TPRN: variants seen among roughly 807,000 people sequenced by gnomAD.
TPRN encodes the protein taperin, also known as chromosome 9 open reading frame 75.
Under a neutral mutation model 42.6 loss-of-function variants are expected in TPRN, and 32 were observed. The ratio of observed to expected loss-of-function variants is 0.75; its 90% CI spans 0.57 to 1.01. The LOEUF (loss-of-function observed/expected upper bound fraction) is 1.01, where lower values mean the gene tolerates loss of function less well. Among genes scored for constraint, TPRN ranks in the 50% least tolerant of loss-of-function variants. The pLI is 0.00. For synonymous variants in TPRN, 541 were observed against 445.6 expected, an observed-to-expected ratio of 1.21 and a Z score of -2.70; for missense variants, 1,095 against 957.5, an observed-to-expected ratio of 1.14 and a Z score of -1.90.
Position 137,192,013 on chromosome 9 carries a change from G to A in TPRN, c.*99C>T. On this transcript the variant is annotated 3_prime_UTR_variant, in exon 4 of 4. Transcript: ENST00000409012. ...AGGAGGGGTGGGTGGGATACAGTGA[G>A]GCCAAACAAGGCAGAAGCGGGTGCA... 3 of 1,463,696 alleles carry A rather than the reference G, an allele frequency of 2.0e-6. No individual in the cohort carries two copies. Among genetic ancestry groups the A allele is most frequent in the Non-Finnish European group, 2.8e-6 (3 of 1,068,780 alleles). 90.7% of individuals were successfully genotyped at this position (1,463,696 alleles called of 1,614,324 possible).
chr9:137,200,717 G>C lies in TPRN; in HGVS notation c.-6C>G. ...GGCCGCCCCAGGGCGGCCATGCTGCGAACGCGGCAGCGGACGGCTGGACTG... is the reference window on the plus strand; with the variant it reads ...GGCCGCCCCAGGGCGGCCATGCTGCCAACGCGGCAGCGGACGGCTGGACTG... On this transcript the variant is annotated 5_prime_UTR_variant, in exon 1 of 4. Coordinates refer to ENST00000409012, the MANE Select transcript of TPRN (RefSeq NM_001128228.3). This position sits in a 1 kb window ranked among gnomAD's most constrained non-coding sequence, Gnocchi z 4.3. 2 of 1,154,512 alleles carry C rather than the reference G, an allele frequency of 1.7e-6. No individual in the cohort carries two copies. The highest frequency in any genetic ancestry group is 2.1e-6 in the Non-Finnish European group (2 of 937,490). The allele number at this position is 1,154,512 out of a possible 1,614,324, so 71.5% of individuals were successfully genotyped here.
At chr9:137,193,462 G>C (rs975244632) in intron 1 of TPRN, 1 of 152,710 alleles carries the variant, frequency 6.5e-6, no homozygotes, top group Non-Finnish European at 1.5e-5. Flanking sequence ...TTTCACATCT[G>C]AGCAAATTCT....
At chr9:137,193,791 G>A (rs1208084829) in intron 1 of TPRN, 1 of 152,408 alleles carries the variant, frequency 6.6e-6, no homozygotes, top group Non-Finnish European at 1.5e-5. Flanking sequence ...GGAGGCAGGA[G>A]CCGGGCCCCA....
chr9:137,194,491 G>T (rs1834677463), intron 1 of TPRN: 1 of 152,320 alleles, frequency 6.6e-6, no homozygotes, highest in South Asian at 2.1e-4. Flanking sequence ...TGACCCCGAA[G>T]CCCTCCAGGC....
chr9:137,193,587 G>C (rs914832864), intron 1 of TPRN: 2 of 152,448 alleles, frequency 1.3e-5, no homozygotes, highest in East Asian at 3.9e-4. Flanking sequence ...GGCTTGCATG[G>C]GGCTAAGCTC....
chr9:137,197,236 T>A (rs1834719615), intron 1 of TPRN, among the ~76,000 whole-genome samples: 1 of 152,146 alleles, frequency 6.6e-6, no homozygotes, highest in Non-Finnish European at 1.5e-5. Context: ...ATAGCTGGGA[T>A]TATAGGCGCC....
At chr9:137,196,268 C>G (rs1834702693) in intron 1 of TPRN, among the ~76,000 whole-genome samples, 1 of 152,250 alleles carries the variant, frequency 6.6e-6, no homozygotes, top group Non-Finnish European at 1.5e-5. Flanking sequence ...CACCCCCACG[C>G]CCGGGGGTCA....
At chr9:137,197,221 C>A (rs1834719438) in intron 1 of TPRN, among the ~76,000 whole-genome samples, 2 of 152,232 alleles carry the variant, frequency 1.3e-5, no homozygotes, top group Non-Finnish European at 2.9e-5. Flanking sequence ...GCCTCAGTCT[C>A]CTGAATAGCT....
Position 137,191,622 on chromosome 9 carries a change from T to C in TPRN, c.*490A>G, listed in dbSNP as rs966938635. On this transcript the variant is annotated 3_prime_UTR_variant, in exon 4 of 4. Coordinates refer to ENST00000409012, the MANE Select transcript of TPRN (RefSeq NM_001128228.3). ...CACGCAGTGGGGACACCAGCAGCCT[T>C]GTCCAGTGCTGTTTATTGAGTCCAT... 2.2e-5 allele frequency: 6 copies of C among 276,378 alleles called. No homozygotes were observed. The highest frequency in any genetic ancestry group is 4.4e-5 in the African/African-American group (2 of 45,922). 17.1% of individuals were successfully genotyped at this position (276,378 alleles called of 1,614,324 possible). A position where few individuals can be genotyped will look rare whatever the true frequency, so the allele number is the denominator to read the frequency against.
In TPRN at chr9:137,199,134, T is replaced by G; in HGVS notation, c.1578A>C (p.Pro526=). The G allele has an allele frequency of 6.2e-7, 1 of 1,613,232 alleles. No homozygotes were observed. The highest frequency in any genetic ancestry group is 8.5e-7 in the Non-Finnish European group (1 of 1,179,996). Residue 526 remains proline, a synonymous_variant, in exon 1 of 4, where the codon CCA becomes CCC. Transcript: ENST00000409012. ...HFSQANREPR[P]REAEEEEASC... ...TAGCCTCCTCCTCCTCGGCCTCCCG[T>G]GGCCGAGGCTCCCTGTTGGCCTGAC...
At position 137,200,219 on chromosome 9, in the gene TPRN, CGGGCGGCGGCGGCGGCGGCGG is replaced by C; in HGVS notation, c.472_492del (p.Pro158_Pro164del). The C allele has an allele frequency of 1.0e-6, 1 of 957,552 alleles. No individual in the cohort carries two copies. The highest frequency in any genetic ancestry group is 1.2e-6 in the Non-Finnish European group (1 of 810,308). The allele number at this position is 957,552 out of a possible 1,614,324, so 59.3% of individuals were successfully genotyped here. Reference sequence around the variant, plus strand: ...GCCGCGGGCGGGGGCCGGGGCGGCGCGGGCGGCGGCGGCGGCGGCGGGGGGCGGGCGCGCTCGGGGCTCCCG... The same window carrying C: ...GCCGCGGGCGGGGGCCGGGGCGGCGCGGGGCGGGCGCGCTCGGGGCTCCCG... On this transcript the variant is annotated inframe_deletion, in exon 1 of 4. Coordinates refer to ENST00000409012, the MANE Select transcript of TPRN (RefSeq NM_001128228.3). This position sits in a 1 kb window ranked among gnomAD's most constrained non-coding sequence, Gnocchi z 4.3.
rs2131355031 is a variant in TPRN, at chr9:137,200,163, G to A, written c.549C>T (p.Arg183=). 8.4e-7 allele frequency: 1 copy of A among 1,183,794 alleles called. No homozygotes were observed. 73.3% of individuals were successfully genotyped at this position (1,183,794 alleles called of 1,614,324 possible). The change falls in exon 1 of 4, where the codon CGC becomes CGT. Residue 183 remains arginine, a synonymous_variant. Coordinates refer to ENST00000409012, the MANE Select transcript of TPRN (RefSeq NM_001128228.3). The surrounding 1 kb of genome is among the most constrained non-coding windows in gnomAD (Gnocchi z 4.3). ...APSPPAAPGP[R]GGGASPGARR... ...GGGCCCCGGGGCTCGCCCCGCCACC[G>A]CGGGGCCCGGGCGCGGCGGGCGGGC... is the stretch of plus-strand genomic sequence containing the variant.
At chr9:137,197,323 G>C (rs1204794733) in intron 1 of TPRN, among the ~76,000 whole-genome samples, 1 of 152,084 alleles carries the variant, frequency 6.6e-6, no homozygotes, top group Non-Finnish European at 1.5e-5. Context: ...GGCTTGTCTT[G>C]AACTCCTGAC....
chr9:137,193,402 T>G (rs1834657400), intron 1 of TPRN: 1 of 152,750 alleles, frequency 6.5e-6, no homozygotes, highest in Non-Finnish European at 1.5e-5. Flanking sequence ...TTCCTCACCC[T>G]GCTGCCCCTC....
intron 2 of TPRN, 36 bp downstream of exon 2, chr9:137,192,415 C>T (rs1194328648): frequency 1.9e-6 from 3 of 1,610,970 alleles, no homozygotes; most frequent in East Asian, 2.2e-5. Context: ...AGGCTCCACC[C>T]CTCCCAGGCT....
In TPRN at chr9:137,200,010, A is replaced by T. The variant is rs1834777477; in HGVS notation, c.702T>A (p.Pro234=). The change falls in exon 1 of 4, where the codon CCT becomes CCA. Residue 234 remains proline (P), a synonymous_variant. Coordinates refer to ENST00000409012, the MANE Select transcript of TPRN (RefSeq NM_001128228.3). The surrounding 1 kb of genome is among the most constrained non-coding windows in gnomAD (Gnocchi z 4.3). ...GHSAPEPRAG[P]ANRLAGSPPG... ...GCGGGGAGCCCGCGAGGCGGTTGGC[A>T]GGGCCGGCCCGGGGCTCAGGGGCCG... is the stretch of plus-strand genomic sequence containing the variant. 6.9e-7 allele frequency: 1 copy of T among 1,444,206 alleles called. No individual in the cohort carries two copies. The highest frequency in any genetic ancestry group is 1.4e-5 in the African/African-American group (1 of 69,762). The allele number at this position is 1,444,206 out of a possible 1,614,324, so 89.5% of individuals were successfully genotyped here.
In TPRN at chr9:137,199,881, G is replaced by A. The variant is rs1201846074; in HGVS notation, c.831C>T (p.Ala277=). 1.9e-6 allele frequency: 3 copies of A among 1,544,160 alleles called. No individual in the cohort carries two copies. The East Asian group carries it at 7.3e-5, about 38-fold the overall frequency. The change falls in exon 1 of 4, where the codon GCC becomes GCT. Residue 277 remains alanine (A), a synonymous_variant. Coordinates refer to ENST00000409012, the MANE Select transcript of TPRN (RefSeq NM_001128228.3). The stretch of plus-strand genomic sequence containing the variant: ...ACTGGCGCTGGCTAGGAGTGGCACT[G>A]GCAGGGGGTGAGGCTGGAGTGGCAC... ...TPSATPASPP[A]SATPSQRQCV...
At chr9:137,192,977 C>T in intron 1 of TPRN, 5 of 495,576 alleles carry the variant, frequency 1.0e-5, no homozygotes, top group South Asian at 6.9e-5. Flanking sequence ...GCCTCTAGAC[C>T]AGCTCCTGGA....
At chr9:137,198,809 G>T (rs891757748) in intron 1 of TPRN, among the ~76,000 whole-genome samples, 178 bp downstream of exon 1, 4 of 152,252 alleles carry the variant, frequency 2.6e-5, no homozygotes, top group South Asian at 2.1e-4. Context: ...AAGTCAGGGG[G>T]CTCCACTGGG....
Sources: gnomAD v4.1 joint callset for allele counts (sites outside exome capture counted in the v4.1 genomes callset) on GRCh38, gnomAD v4.1.1 for gene constraint, Gnocchi (gnomAD v3.1) non-coding constraint, MANE v1.5 for transcripts, NCBI Gene and HGNC (gene_info 2026-07-23, HGNC 2026-07-21) for gene names.